The following CLASP1 variants were observed in gnomAD, a reference collection of about 807,000 sequenced individuals.
CLASP1 encodes the protein CLIP-associating protein 1.
A neutral mutation model predicts 192.3 loss-of-function variants in CLASP1; 38 were observed. The ratio of observed to expected loss-of-function variants is 0.20; its 90% CI spans 0.15 to 0.26. The LOEUF (loss-of-function observed/expected upper bound fraction) is 0.26. Ranked by LOEUF, CLASP1 falls within the 10% of genes least tolerant of loss-of-function variation. The pLI, the probability that CLASP1 is intolerant of heterozygous loss-of-function variation, is 1.00. For synonymous variants in CLASP1, 691 were observed against 712.8 expected, an observed-to-expected ratio of 0.97 and a Z score of 0.49; for missense variants, 1,433 against 1,932.5, an observed-to-expected ratio of 0.74 and a Z score of 4.85.
chr2:121,598,743 A>C (rs2063426903), intron 2 of CLASP1, among the ~76,000 whole-genome samples: 1 of 152,244 alleles, frequency 6.6e-6, no homozygotes, highest in Non-Finnish European at 1.5e-5. Context: ...ACATACCTGA[A>C]ACTAAGTAAG....
chr2:121,414,553 G>A (rs1358605606), intron 23 of CLASP1, among the ~76,000 whole-genome samples: 2 of 152,158 alleles, frequency 1.3e-5, no homozygotes, highest in African/African-American at 2.4e-5. Flanking sequence ...AGGAGTCACA[G>A]AGCACCGTCT....
At chr2:121,572,966 T>A (rs993766816) in intron 2 of CLASP1, among the ~76,000 whole-genome samples, 3 of 152,148 alleles carry the variant, frequency 2.0e-5, no homozygotes, top group African/African-American at 7.2e-5. Flanking sequence ...AAAACAGTTT[T>A]GTTTTGTTTT....
intron 1 of CLASP1, among the ~76,000 whole-genome samples, chr2:121,613,804 G>C (rs532382063): frequency 6.6e-6 from 1 of 152,150 alleles, no homozygotes; most frequent in Non-Finnish European, 1.5e-5. Flanking sequence ...AAATTAAAAG[G>C]AGGACCATTT....
chr2:121,397,119 C>T (rs745871547), intron 30 of CLASP1, 21 bp downstream of exon 31: 25 of 1,612,104 alleles, frequency 1.6e-5, no homozygotes, highest in South Asian at 4.4e-5. Context: ...TGTAATTACA[C>T]GTCGGTTCTC....
chr2:121,572,789 T>C (rs1440623052), intron 2 of CLASP1, among the ~76,000 whole-genome samples: 2 of 152,050 alleles, frequency 1.3e-5, no homozygotes, highest in Admixed American at 6.5e-5. Context: ...CAGACTTCCA[T>C]TGATGGTGAC....
chr2:121,557,617 A>C (rs781101166), intron 2 of CLASP1, among the ~76,000 whole-genome samples: 15 of 151,506 alleles, frequency 9.9e-5, no homozygotes, highest in Non-Finnish European at 1.5e-4. Context: ...ACTATTAACA[A>C]TGGAGGGTGG....
intron 22 of CLASP1, among the ~76,000 whole-genome samples, chr2:121,419,829 G>C (rs575350154): frequency 4.6e-5 from 7 of 152,118 alleles, no homozygotes; most frequent in African/African-American, 7.2e-5. Flanking sequence ...CATCCTGAGA[G>C]GATGGACTGG....
At chr2:121,554,964 CTTA>C (rs1198946700) in intron 2 of CLASP1, among the ~76,000 whole-genome samples, 1 of 152,156 alleles carries the variant, frequency 6.6e-6, no homozygotes, top group East Asian at 1.9e-4. Flanking sequence ...CACAGAAGAA[CTTA>C]TTATACCTGC....
At chr2:121,591,620 C>T (rs2062414091) in intron 2 of CLASP1, among the ~76,000 whole-genome samples, 2 of 152,228 alleles carry the variant, frequency 1.3e-5, no homozygotes, top group Non-Finnish European at 2.9e-5. Flanking sequence ...CGTGCTCAGC[C>T]TCGCTGGTGC....
chr2:121,538,886 CATA>C (rs1348081402), intron 2 of CLASP1, among the ~76,000 whole-genome samples: 1 of 151,672 alleles, frequency 6.6e-6, no homozygotes, highest in Admixed American at 6.6e-5. Context: ...TTTCTATTCT[CATA>C]ATAAGCCAAA....
chr2:121,379,860 T>C (rs1425624153), intron 33 of CLASP1, among the ~76,000 whole-genome samples: 16 of 152,232 alleles, frequency 1.1e-4, no homozygotes, highest in Admixed American at 1.0e-3. Context: ...ATAGCCTCTT[T>C]TTAAAATAAG....
chr2:121,546,737 T>G (rs2057472617), intron 2 of CLASP1, among the ~76,000 whole-genome samples: 1 of 152,162 alleles, frequency 6.6e-6, no homozygotes, highest in Non-Finnish European at 1.5e-5. Context: ...ACCCAGGCTT[T>G]CTGGGCTTCA....
chr2:121,528,559 T>C (rs1292578034), intron 4 of CLASP1, 118 bp downstream of exon 4: 2 of 763,268 alleles, frequency 2.6e-6, no homozygotes, highest in Non-Finnish European at 4.6e-6. Flanking sequence ...TTTTTATCTG[T>C]AATACATCAG....
At chr2:121,355,560 C>T (rs1187163178) in intron 37 of CLASP1, among the ~76,000 whole-genome samples, 1 of 152,178 alleles carries the variant, frequency 6.6e-6, no homozygotes, top group African/African-American at 2.4e-5. Flanking sequence ...TTTCCCAAGA[C>T]AGACGCTGGT....
intron 24 of CLASP1, 121 bp downstream of exon 25, chr2:121,410,745 A>T (rs994842234): frequency 2.5e-4 from 149 of 592,976 alleles, no homozygotes; most frequent in Non-Finnish European, 4.2e-4. Flanking sequence ...CATTAACACA[A>T]TTTTAAAGAG....
intron 2 of CLASP1, among the ~76,000 whole-genome samples, chr2:121,576,763 T>G (rs1384457190): frequency 6.6e-6 from 1 of 152,138 alleles, no homozygotes; most frequent in East Asian, 1.9e-4. Context: ...GTTCTGAAAA[T>G]CTAAGGAAAG....
At chr2:121,604,491 A>C (rs2064177301) in intron 2 of CLASP1, among the ~76,000 whole-genome samples, 2 of 152,096 alleles carry the variant, frequency 1.3e-5, no homozygotes, top group South Asian at 4.2e-4. Flanking sequence ...CAACATGGTA[A>C]AACCTTGTCT....
intron 19 of CLASP1, among the ~76,000 whole-genome samples, chr2:121,445,119 G>A (rs2084084460): frequency 6.6e-6 from 1 of 152,336 alleles, no homozygotes; most frequent in Middle Eastern, 3.4e-3. Context: ...AGCAGAGTCT[G>A]AAGCAAGTAA....
At chr2:121,376,805 G>A (rs1314389824) in intron 34 of CLASP1, among the ~76,000 whole-genome samples, 2 of 152,090 alleles carry the variant, frequency 1.3e-5, no homozygotes, top group East Asian at 1.9e-4. Flanking sequence ...TCATAGGAGC[G>A]TCAACTCTAT....
Sources: allele counts gnomAD v4.1 joint callset (sites outside exome capture counted in the v4.1 genomes callset), GRCh38; gene constraint gnomAD v4.1.1; transcripts MANE v1.5; gene names NCBI Gene and HGNC (gene_info 2026-07-23, HGNC 2026-07-21).